NID1: variants seen among roughly 807,000 people sequenced by gnomAD.
The protein encoded by NID1 is nidogen-1.
A neutral mutation model predicts 130.6 loss-of-function variants in NID1; 76 were observed. The observed-to-expected ratio is 0.58, with a 90% CI of 0.48 to 0.70. The LOEUF (loss-of-function observed/expected upper bound fraction) is 0.70. NID1 is among the 30% of genes least tolerant of loss of function. The pLI, the probability that NID1 is intolerant of heterozygous loss-of-function variation, is 0.00. For missense variants in NID1, 1,517 were observed against 1,664.8 expected (o/e 0.91, Z 1.54); for synonymous variants, 665 against 675.1 (o/e 0.98, Z 0.23).
At chr1:236,049,064 A>G in intron 1 of NID1, 75 bp from the exon 2 acceptor site, 1 of 1,447,218 alleles carries the variant, frequency 6.9e-7, no homozygotes. Context: ...ACCCACTCCT[A>G]GAATACTGTC....
intron 1 of NID1, among the ~76,000 whole-genome samples, chr1:236,053,703 A>C (rs1198897446): frequency 6.6e-6 from 1 of 152,148 alleles, no homozygotes; most frequent in Non-Finnish European, 1.5e-5. Context: ...TGTCTTGGTC[A>C]CCACAGTAGT....
chr1:235,982,920 C>G (rs1288292438), intron 15 of NID1, among the ~76,000 whole-genome samples: 1 of 152,112 alleles, frequency 6.6e-6, no homozygotes, highest in Admixed American at 6.6e-5. Context: ...GTTGCTCAGG[C>G]TGGAGTGCAG....
intron 14 of NID1, among the ~76,000 whole-genome samples, chr1:235,985,842 C>A (rs932569910): frequency 2.6e-5 from 4 of 151,936 alleles, no homozygotes; most frequent in Admixed American, 2.6e-4. Flanking sequence ...CTCACTGCAG[C>A]CTCAACCTCC....
At position 235,977,962 on chromosome 1, in the gene NID1, C is replaced by T; in HGVS notation, c.3649G>A (p.Gly1217Ser). ...QGHNYCSVNNGGCTHLCLATP... is the reference protein window; with the variant it reads ...QGHNYCSVNNSGCTHLCLATP... ...GCCAAGCATAGGTGGGTGCAGCCGCCATTGTTCACTGAGCAGTAGTTATGG... is the reference window on the plus strand; with the variant it reads ...GCCAAGCATAGGTGGGTGCAGCCGCTATTGTTCACTGAGCAGTAGTTATGG... Residue 1217 changes from glycine (G) to serine (S), a missense_variant, in exon 20 of 20, where the codon GGC becomes AGC. Coordinates refer to ENST00000264187, the MANE Select transcript of NID1 (RefSeq NM_002508.3). 1.2e-6 allele frequency: 2 copies of T among 1,614,134 alleles called. No homozygotes were observed. Among genetic ancestry groups the T allele is most frequent in the South Asian group, 1.1e-5 (1 of 91,080 alleles).
intron 4 of NID1, among the ~76,000 whole-genome samples, chr1:236,040,097 G>A: frequency 6.6e-6 from 1 of 152,182 alleles, no homozygotes; most frequent in Non-Finnish European, 1.5e-5. Context: ...TCATTCAAAT[G>A]TGATGGCTTC....
chr1:236,020,051 AAAAAAAAC>A (rs1364378257), intron 9 of NID1, among the ~76,000 whole-genome samples: 92 of 137,298 alleles, frequency 6.7e-4, no homozygotes, highest in African/African-American at 1.6e-3. Context: ...AAAAAAAAAA[AAAAAAAAC>A]AAAAACAAAC....
chr1:236,061,283 G>A (rs1179155274), intron 1 of NID1, among the ~76,000 whole-genome samples: 2 of 152,140 alleles, frequency 1.3e-5, no homozygotes, highest in African/African-American at 4.8e-5. Flanking sequence ...GTGTCACCCC[G>A]TAGCTCAGTT....
intron 14 of NID1, among the ~76,000 whole-genome samples, chr1:235,987,463 A>G (rs1014651626): frequency 2.0e-4 from 30 of 152,216 alleles, no homozygotes; most frequent in Admixed American, 1.9e-3. Flanking sequence ...TACCTTTCCA[A>G]CTTCCTGTGG....
At chr1:235,992,643 C>T (rs1657790174) in intron 13 of NID1, among the ~76,000 whole-genome samples, 1 of 152,194 alleles carries the variant, frequency 6.6e-6, no homozygotes, top group Non-Finnish European at 1.5e-5. Context: ...CCTGTCTATT[C>T]ACCGTCCTTT....
chr1:236,018,584 T>C (rs1000525308), intron 9 of NID1, among the ~76,000 whole-genome samples: 1 of 152,184 alleles, frequency 6.6e-6, no homozygotes, highest in African/African-American at 2.4e-5. Flanking sequence ...TGGCCACTGA[T>C]GGGTTGAAAT....
chr1:235,999,418 C>A (rs901075850), intron 12 of NID1, among the ~76,000 whole-genome samples: 17 of 152,192 alleles, frequency 1.1e-4, no homozygotes, highest in African/African-American at 4.1e-4. Flanking sequence ...TTATAAAAAG[C>A]TGTGATCTCG....
intron 10 of NID1, among the ~76,000 whole-genome samples, chr1:236,016,597 A>G (rs1384125499): frequency 6.6e-6 from 1 of 152,202 alleles, no homozygotes. Flanking sequence ...CCAAATCATC[A>G]TTCAGCAAGA....
intron 3 of NID1, among the ~76,000 whole-genome samples, chr1:236,043,732 A>G (rs1659520924): frequency 6.6e-6 from 1 of 152,140 alleles, no homozygotes; most frequent in Non-Finnish European, 1.5e-5. Context: ...CGGGAGGCAG[A>G]GCTTGCAGTG....
chr1:235,987,039 G>A (rs544459395), intron 14 of NID1, among the ~76,000 whole-genome samples: 1 of 152,284 alleles, frequency 6.6e-6, no homozygotes, highest in East Asian at 1.9e-4. Context: ...AAGGACCAGA[G>A]GAAGCAAAGT....
chr1:236,044,472 A>G (rs6665414), intron 3 of NID1, among the ~76,000 whole-genome samples: 74,624 of 151,772 alleles, frequency 0.49, 19,022 homozygotes, highest in East Asian at 0.68. Context: ...TGAACTCTTC[A>G]ATGAGTGACA....
At chr1:236,011,643 G>A (rs959311770) in intron 12 of NID1, among the ~76,000 whole-genome samples, 3 of 152,154 alleles carry the variant, frequency 2.0e-5, no homozygotes, top group Non-Finnish European at 1.5e-5. Context: ...TCCATGCTCT[G>A]ATCTCCCACC....
intron 3 of NID1, among the ~76,000 whole-genome samples, chr1:236,043,526 C>T (rs79748601): frequency 1.4e-4 from 21 of 152,010 alleles, no homozygotes; most frequent in East Asian, 9.7e-4. Context: ...GGGCCGGGCG[C>T]GGTGGCTCAC....
chr1:236,060,862 G>A (rs777497633), intron 1 of NID1: 10 of 152,128 alleles, frequency 6.6e-5, no homozygotes, highest in Non-Finnish European at 8.8e-5. Context: ...CAAGGGCCTT[G>A]GGGTGTGAGA....
chr1:235,985,225 C>T (rs1399911078), intron 15 of NID1, among the ~76,000 whole-genome samples, 154 bp downstream of exon 15: 4 of 151,560 alleles, frequency 2.6e-5, no homozygotes, highest in Admixed American at 2.0e-4. Flanking sequence ...GTAGAACGTG[C>T]CTAAACTTTA....
Sources: allele counts gnomAD v4.1 joint callset (sites outside exome capture counted in the v4.1 genomes callset), GRCh38; gene constraint gnomAD v4.1.1; transcripts MANE v1.5; gene names NCBI Gene and HGNC (gene_info 2026-07-23, HGNC 2026-07-21).